LARGE1: variants seen among roughly 807,000 people sequenced by gnomAD.
LARGE1 encodes the protein xylosyl- and glucuronyltransferase LARGE1.
Under a neutral mutation model 87.6 loss-of-function variants are expected in LARGE1, and 43 were observed. The ratio of observed to expected loss-of-function variants is 0.49; its 90% CI spans 0.38 to 0.63. The LOEUF is 0.63. LARGE1 is among the 30% of genes least tolerant of loss of function. LARGE1 has a pLI of 0.00. For missense variants in LARGE1, 802 were observed against 1,000.2 expected (o/e 0.80, Z 2.67); for synonymous variants, 434 against 394.6 (o/e 1.10, Z -1.18).
intron 2 of LARGE1, among the ~76,000 whole-genome samples, chr22:33,665,100 T>C (rs1211005011): frequency 1.3e-5 from 2 of 152,204 alleles, no homozygotes; most frequent in African/African-American, 4.8e-5. Context: ...CCCTCGTTCA[T>C]TAGGAATCTG....
intron 6 of LARGE1, among the ~76,000 whole-genome samples, chr22:33,495,710 C>T (rs899122769): frequency 6.6e-6 from 1 of 152,174 alleles, no homozygotes; most frequent in Non-Finnish European, 1.5e-5. Context: ...GAGTGAGACT[C>T]TGTCTCAAAA....
At chr22:33,795,433 G>T (rs910224105) in intron 1 of LARGE1, among the ~76,000 whole-genome samples, 1 of 151,836 alleles carries the variant, frequency 6.6e-6, no homozygotes, top group Non-Finnish European at 1.5e-5. Flanking sequence ...GGAGGGAGAG[G>T]GAGAGAGAGA....
In LARGE1 at chr22:33,659,109, T is replaced by C. The variant is rs547355521; in HGVS notation, c.107-8441A>G. Among the ~76,000 whole-genome samples, 5 of 152,308 alleles carry C rather than the reference T, an allele frequency of 3.3e-5. No homozygotes were observed. The East Asian group carries it at 9.6e-4, about 29-fold the overall frequency. ...GGAAGACAGTCTCCTTCAAAAGCAG[T>C]TCCCTTCTAGCCCAGCTGCCTGACT... is the stretch of plus-strand genomic sequence containing the variant. On this transcript the variant is annotated intron_variant, in intron 2 of 14. Coordinates refer to ENST00000397394, the MANE Select transcript of LARGE1 (RefSeq NM_133642.5).
intron 10 of LARGE1, among the ~76,000 whole-genome samples, chr22:33,328,527 C>T (rs993169083): frequency 2.6e-5 from 4 of 151,526 alleles, no homozygotes; most frequent in South Asian, 2.1e-4. Flanking sequence ...TGCAGTGAGC[C>T]GACATTGTGC....
intron 2 of LARGE1, among the ~76,000 whole-genome samples, chr22:33,717,462 T>C (rs1372344624): frequency 1.3e-5 from 2 of 152,234 alleles, no homozygotes; most frequent in East Asian, 3.9e-4. Context: ...CTGGACTCTC[T>C]GTTGACCCAG....
At chr22:33,705,766 T>C (rs2082542314) in intron 2 of LARGE1, among the ~76,000 whole-genome samples, 1 of 152,228 alleles carries the variant, frequency 6.6e-6, no homozygotes, top group Admixed American at 6.5e-5. Flanking sequence ...CTGGCTACTT[T>C]ATTATATACA....
At chr22:33,755,202 A>G (rs1048648401) in intron 2 of LARGE1, among the ~76,000 whole-genome samples, 2 of 152,228 alleles carry the variant, frequency 1.3e-5, no homozygotes, top group African/African-American at 4.8e-5. Flanking sequence ...AATGGAAGCA[A>G]CAGGGAACTC....
chr22:33,267,804 C>T (rs1184432528), downstream of LARGE1, among the ~76,000 whole-genome samples: 3 of 151,398 alleles, frequency 2.0e-5, 1 homozygote, highest in African/African-American at 7.4e-5. Context: ...CTGATCTTCT[C>T]AATATTAAAT....
At chr22:33,828,986 G>C (rs550980631) in intron 1 of LARGE1, among the ~76,000 whole-genome samples, 49 of 147,546 alleles carry the variant, frequency 3.3e-4, no homozygotes, top group African/African-American at 1.2e-3. Flanking sequence ...TCTCAGAGAT[G>C]CTTTGTGAAG....
At chr22:33,915,112 A>C (rs2065750251) in intron 1 of LARGE1, among the ~76,000 whole-genome samples, 2 of 151,880 alleles carry the variant, frequency 1.3e-5, no homozygotes, top group African/African-American at 4.8e-5. Flanking sequence ...GTTTCTAAAA[A>C]CTATACTAAA....
chr22:33,558,269 T>A (rs1196094527), intron 6 of LARGE1, among the ~76,000 whole-genome samples: 2 of 152,156 alleles, frequency 1.3e-5, no homozygotes, highest in African/African-American at 2.4e-5. Context: ...CTTCTTTGAT[T>A]CCTTTCCTAT....
chr22:33,816,310 C>G (rs1034570704), intron 1 of LARGE1, among the ~76,000 whole-genome samples: 7 of 152,112 alleles, frequency 4.6e-5, no homozygotes. Context: ...ATGCCACCGA[C>G]TAGGTAGCTT....
intron 4 of LARGE1, among the ~76,000 whole-genome samples, chr22:33,610,916 A>T (rs2079408999): frequency 6.6e-6 from 1 of 152,164 alleles, no homozygotes; most frequent in Admixed American, 6.5e-5. Context: ...CCCAAGATAC[A>T]TCTCAGGCTG....
intron 6 of LARGE1, among the ~76,000 whole-genome samples, chr22:33,497,692 T>C (rs1418267481): frequency 1.3e-5 from 2 of 152,172 alleles, no homozygotes; most frequent in Non-Finnish European, 2.9e-5. Context: ...CATCAATATA[T>C]TATTAATTAC....
At chr22:33,867,665 T>G (rs758107042) in intron 1 of LARGE1, among the ~76,000 whole-genome samples, 1 of 152,200 alleles carries the variant, frequency 6.6e-6, no homozygotes, top group Non-Finnish European at 1.5e-5. Flanking sequence ...GGAGCCACGT[T>G]GAATCACTGG....
the LARGE1 span, among the ~76,000 whole-genome samples, chr22:33,089,314 TTTCTTCTTTCTTC>T: frequency 1.6e-4 from 19 of 115,680 alleles, 1 homozygote; most frequent in Non-Finnish European, 3.4e-4. Flanking sequence ...CTTCTTCTTC[TTTCTTCTTTCTTC>T]TTCTTCTTCT....
At chr22:33,620,841 C>G (rs746339890) in intron 4 of LARGE1, among the ~76,000 whole-genome samples, 4 of 152,060 alleles carry the variant, frequency 2.6e-5, no homozygotes, top group Non-Finnish European at 5.9e-5. Flanking sequence ...TGCTTGAACC[C>G]AGGAAGTGGA....
At chr22:33,918,929 C>A (rs2147007014) in intron 1 of LARGE1, among the ~76,000 whole-genome samples, 1 of 152,082 alleles carries the variant, frequency 6.6e-6, no homozygotes, top group African/African-American at 2.4e-5. Flanking sequence ...CCTCCTCTCT[C>A]TCTCTCTCTG....
chr22:33,529,631 G>A (rs967006254), intron 6 of LARGE1, among the ~76,000 whole-genome samples: 9 of 152,192 alleles, frequency 5.9e-5, no homozygotes, highest in African/African-American at 2.2e-4. Flanking sequence ...TTTCCCATCT[G>A]TGAAACGAAG....
Sources: allele counts gnomAD v4.1 joint callset (sites outside exome capture counted in the v4.1 genomes callset), GRCh38; gene constraint gnomAD v4.1.1; transcripts MANE v1.5; gene names NCBI Gene and HGNC (gene_info 2026-07-23, HGNC 2026-07-21).